Variants in SLC2A9 observed in about 807,000 individuals in gnomAD.
SLC2A9 encodes the protein solute carrier family 2 member 9.
SLC2A9 carries 39 observed loss-of-function variants against 50.6 expected under a neutral mutation model. The ratio of observed to expected loss-of-function variants is 0.77; its 90% CI spans 0.60 to 1.01. The LOEUF (loss-of-function observed/expected upper bound fraction) is 1.01. SLC2A9 is among the 50% of genes least tolerant of loss of function. The probability of loss-of-function intolerance (pLI) is 0.00; values close to 1 mark genes in which losing one functional copy is unlikely to be tolerated. For missense variants in SLC2A9, 686 were observed against 677.6 expected (o/e 1.01, Z -0.14); for synonymous variants, 324 against 276.9 (o/e 1.17, Z -1.69).
intron 10 of SLC2A9, among the ~76,000 whole-genome samples, chr4:9,855,133 T>G (rs1206102957): frequency 6.6e-6 from 1 of 152,086 alleles, no homozygotes; most frequent in Non-Finnish European, 1.5e-5. Flanking sequence ...GAGAAAGAAA[T>G]AAAAGATGTC....
intron 6 of SLC2A9, among the ~76,000 whole-genome samples, chr4:9,938,062 A>G (rs1302234295): frequency 6.6e-6 from 1 of 152,190 alleles, no homozygotes; most frequent in African/African-American, 2.4e-5. Flanking sequence ...TAATGCTACA[A>G]TCATCTATAA....
intron 2 of SLC2A9, among the ~76,000 whole-genome samples, chr4:9,999,383 A>AGT (rs150059195): frequency 0.067 from 10,151 of 151,240 alleles, 340 homozygotes; most frequent in African/African-American, 0.091. Context: ...CAGTCTTTAA[A>AGT]GTGTGTGTGT....
intron 1 of SLC2A9, chr4:9,771,489 C>T: frequency 2.5e-6 from 1 of 398,870 alleles, no homozygotes; most frequent in Non-Finnish European, 4.4e-6. Context: ...AACACAACTG[C>T]CAAAGAGTCT....
chr4:10,027,405 C>G (rs1484579114), intron 1 of SLC2A9, among the ~76,000 whole-genome samples: 1 of 152,200 alleles, frequency 6.6e-6, no homozygotes, highest in Non-Finnish European at 1.5e-5. Context: ...CATTTTCCTG[C>G]TCCCTGTTAC....
At chr4:9,917,256 A>C (rs1743014257) in intron 7 of SLC2A9, among the ~76,000 whole-genome samples, 1 of 149,548 alleles carries the variant, frequency 6.7e-6, no homozygotes, top group Admixed American at 6.6e-5. Flanking sequence ...AAAATCCAAC[A>C]CCAAAAAGGA....
rs547485115 is a variant in SLC2A9 at position 9,880,779 on chromosome 4, C to A, written c.1291+6788G>T. Among the ~76,000 whole-genome samples, 3 of 152,306 alleles carry A rather than the reference C, an allele frequency of 2.0e-5. No homozygotes were observed. The East Asian group carries it at 5.8e-4, about 29-fold the overall frequency. On this transcript the variant is annotated intron_variant, in intron 10 of 11. Transcript: ENST00000264784. ...CCATGAAACATACAGCTTTCTTGCC[C>A]TCATGACCTGCACTTATCATAGTGG...
intron 1 of SLC2A9, among the ~76,000 whole-genome samples, chr4:10,036,652 C>A (rs377086130): frequency 6.2e-4 from 94 of 152,166 alleles, no homozygotes; most frequent in Admixed American, 1.1e-3. Flanking sequence ...TTTAACCAGT[C>A]GGTCATTTGG....
intron 10 of SLC2A9, among the ~76,000 whole-genome samples, chr4:9,850,686 A>C (rs1485719144): frequency 1.3e-5 from 2 of 151,804 alleles, no homozygotes; most frequent in Non-Finnish European, 2.9e-5. Context: ...GCCTCCCTTC[A>C]CTGGTGCACA....
intron 7 of SLC2A9, among the ~76,000 whole-genome samples, chr4:9,910,892 A>G (rs551307036): frequency 4.2e-4 from 64 of 152,154 alleles, no homozygotes; most frequent in Non-Finnish European, 7.1e-4. Context: ...GCAAACTAAC[A>G]TAAGAACAGA....
chr4:9,982,438 T>C (rs969793225), intron 4 of SLC2A9, among the ~76,000 whole-genome samples: 2 of 151,244 alleles, frequency 1.3e-5, no homozygotes, highest in African/African-American at 2.4e-5. Context: ...TGAAAGCTCA[T>C]AGGAAAAAGG....
upstream of SLC2A9, among the ~76,000 whole-genome samples, chr4:10,023,253 G>T (rs1451440961): frequency 6.6e-6 from 1 of 152,230 alleles, no homozygotes; most frequent in Non-Finnish European, 1.5e-5. Flanking sequence ...GAAATTGTCA[G>T]TGAAGCATGG....
chr4:9,837,565 A>G (rs1167375067), intron 10 of SLC2A9, among the ~76,000 whole-genome samples: 1 of 152,232 alleles, frequency 6.6e-6, no homozygotes, highest in Admixed American at 6.5e-5. Context: ...ACAATGCAGT[A>G]GAACACTGAC....
intron 3 of SLC2A9, among the ~76,000 whole-genome samples, chr4:9,814,151 A>G (rs1723248445): frequency 6.6e-6 from 1 of 152,148 alleles, no homozygotes; most frequent in East Asian, 1.9e-4. Flanking sequence ...AAAATGAAAA[A>G]GAAATGGATA....
chr4:9,918,954 C>T (rs560435100), intron 7 of SLC2A9, among the ~76,000 whole-genome samples: 5 of 152,144 alleles, frequency 3.3e-5, no homozygotes, highest in Non-Finnish European at 5.9e-5. Flanking sequence ...TTAGTCAGTG[C>T]GGCTTGCAGG....
At chr4:10,010,065 C>G (rs912398749) in intron 2 of SLC2A9, among the ~76,000 whole-genome samples, 4 of 152,152 alleles carry the variant, frequency 2.6e-5, no homozygotes, top group African/African-American at 9.7e-5. Flanking sequence ...GCAAGAAAGA[C>G]CAGCCATGTG....
At chr4:9,783,443 A>G in intron 3 of SLC2A9, 1 of 1,609,854 alleles carries the variant, frequency 6.2e-7, no homozygotes, top group Non-Finnish European at 8.5e-7. Flanking sequence ...AACACCTTTC[A>G]CCCCGAATGG....
At chr4:9,890,813 C>T (rs543380191) in intron 8 of SLC2A9, 102 bp from the exon 9 acceptor site, 65 of 1,035,626 alleles carry the variant, frequency 6.3e-5, no homozygotes, top group Non-Finnish European at 8.4e-5. Context: ...GATTAAAAAC[C>T]GGCTTTGACC....
In SLC2A9 at chr4:9,912,203, A is replaced by C. The variant is rs187100546; in HGVS notation, c.1003-3858T>G. On this transcript the variant is annotated intron_variant, in intron 7 of 11. Transcript: ENST00000264784. ...ATACCTAATGTTAAATGACAAGTTA[A>C]TGGGTGCAGCACACCAACATGGCAC... is the stretch of plus-strand genomic sequence containing the variant. Among the ~76,000 whole-genome samples the C allele has an allele frequency of 2.9e-3, 447 of 152,300 alleles. 6 individuals carry two copies. Among genetic ancestry groups the C allele is most frequent in the African/African-American group, 0.01 (436 of 41,556 alleles).
chr4:10,012,713 G>C (rs1761960612), intron 2 of SLC2A9, among the ~76,000 whole-genome samples: 1 of 152,204 alleles, frequency 6.6e-6, no homozygotes, highest in South Asian at 2.1e-4. Context: ...ACTGCAGCCA[G>C]CAGGAGCAGC....
Sources: gnomAD v4.1 joint callset for allele counts (sites outside exome capture counted in the v4.1 genomes callset) on GRCh38, gnomAD v4.1.1 for gene constraint, MANE v1.5 for transcripts, NCBI Gene and HGNC (gene_info 2026-07-23, HGNC 2026-07-21) for gene names.